PDXDC1: variants seen among roughly 807,000 people sequenced by gnomAD.
The protein encoded by PDXDC1 is pyridoxal-dependent decarboxylase domain-containing protein 1.
PDXDC1 carries 42 observed loss-of-function variants against 100.1 expected under a neutral mutation model. That is an observed-to-expected ratio of 0.42 (90% CI 0.33 to 0.54). The LOEUF is 0.54. PDXDC1 is among the 20% of genes least tolerant of loss of function. The pLI is 0.10. For missense variants in PDXDC1, 636 were observed against 979.2 expected (o/e 0.65, Z 4.68); for synonymous variants, 260 against 371.7 (o/e 0.70, Z 3.46).
intron 1 of PDXDC1, chr16:14,988,659 T>C (rs1969973944): frequency 9.3e-6 from 15 of 1,613,656 alleles, no homozygotes; most frequent in Non-Finnish European, 1.3e-5. Context: ...GGGCTTGCCC[T>C]CGGCATCCGC....
intron 1 of PDXDC1, among the ~76,000 whole-genome samples, chr16:14,997,361 A>AC (rs71228826): frequency 2.2e-3 from 334 of 152,270 alleles, no homozygotes; most frequent in Non-Finnish European, 4.0e-3. Flanking sequence ...ACATGGTGAA[A>AC]CCCCCCCGTC....
chr16:15,152,334 C>T, the PDXDC1 span, among the ~76,000 whole-genome samples: 7 of 129,488 alleles, frequency 5.4e-5, no homozygotes, highest in Admixed American at 2.5e-4. Context: ...TGATCTGTGT[C>T]CTTCACCTCT....
chr16:15,076,555 A>G, intron 16 of PDXDC1: 6 of 1,596,800 alleles, frequency 3.8e-6, no homozygotes, highest in East Asian at 2.2e-5. Flanking sequence ...ATAAACTGCT[A>G]ACCATATTAA....
chr16:15,070,244 A>C, intron 16 of PDXDC1: 2 of 1,611,566 alleles, frequency 1.2e-6, no homozygotes, highest in Admixed American at 1.7e-5. Context: ...TCTAGGCATG[A>C]TTTTACAGTA....
chr16:15,016,404 A>T, intron 9 of PDXDC1, 191 bp downstream of exon 9: 1 of 1,324,292 alleles, frequency 7.6e-7, no homozygotes, highest in Non-Finnish European at 1.0e-6. Context: ...GAGCAGTGTT[A>T]TGACTGCCTC....
chr16:15,007,168 T>G (rs1186671777), intron 6 of PDXDC1, among the ~76,000 whole-genome samples: 1 of 144,974 alleles, frequency 6.9e-6, no homozygotes, highest in Non-Finnish European at 1.5e-5. Context: ...TTTTTTTTTT[T>G]TTTTTTTTTT....
chr16:15,030,757 A>G (rs1417444490), intron 16 of PDXDC1, among the ~76,000 whole-genome samples: 1 of 150,440 alleles, frequency 6.6e-6, no homozygotes, highest in Non-Finnish European at 1.5e-5. Context: ...TAATTTTTGC[A>G]TTTTTTGTAG....
intron 11 of PDXDC1, among the ~76,000 whole-genome samples, chr16:15,018,420 T>A (rs1432393331): frequency 3.9e-5 from 6 of 152,178 alleles, no homozygotes; most frequent in Admixed American, 6.5e-5. Context: ...TCACAAAAAA[T>A]AATAATAATA....
intron 16 of PDXDC1, among the ~76,000 whole-genome samples, chr16:15,122,453 G>GTT (rs1394096553): frequency 4.2e-5 from 6 of 142,824 alleles, no homozygotes; most frequent in African/African-American, 8.0e-5. Context: ...GGACTCAAGT[G>GTT]ATCTGCCCAC....
At chr16:15,061,658 A>G (rs2044715139) in intron 16 of PDXDC1, 2 of 1,333,788 alleles carry the variant, frequency 1.5e-6, no homozygotes, top group Admixed American at 1.9e-5. Context: ...AATGCCATCA[A>G]TGCCCAATGG....
chr16:15,011,631 C>CTTTTTTTTTTTTTTTTTTTTGTTTTT, intron 8 of PDXDC1, among the ~76,000 whole-genome samples: 59 of 131,264 alleles, frequency 4.5e-4, no homozygotes, highest in East Asian at 6.5e-4. Flanking sequence ...ACATTTTTTT[C>CTTTTTTTTTTTTTTTTTTTTGTTTTT]TTTTTTTTTT....
chr16:15,102,758 C>A (rs1171913429), intron 16 of PDXDC1, among the ~76,000 whole-genome samples: 1 of 145,386 alleles, frequency 6.9e-6, no homozygotes, highest in Non-Finnish European at 1.5e-5. Flanking sequence ...CGAGACCAGC[C>A]TAGGCAACAT....
chr16:15,005,007 C>T (rs1294198995), intron 5 of PDXDC1, among the ~76,000 whole-genome samples: 7 of 152,260 alleles, frequency 4.6e-5, no homozygotes, highest in African/African-American at 1.7e-4. Context: ...GATGCAGAAC[C>T]CATAGGTTCA....
At chr16:15,064,910 TAATCCC>T (rs1358698445) in intron 16 of PDXDC1, among the ~76,000 whole-genome samples, 1 of 152,176 alleles carries the variant, frequency 6.6e-6, no homozygotes, top group Non-Finnish European at 1.5e-5. Context: ...CTCACGCCTG[TAATCCC>T]AGCACTTTGG....
At chr16:15,129,508 A>G (rs185242685) in intron 16 of PDXDC1, among the ~76,000 whole-genome samples, 3 of 152,358 alleles carry the variant, frequency 2.0e-5, no homozygotes, top group Admixed American at 2.0e-4. Flanking sequence ...AAATAGAGGT[A>G]TTGAAGAAAC....
chr16:15,084,793 C>A, intron 16 of PDXDC1: 1 of 911,154 alleles, frequency 1.1e-6, no homozygotes, highest in Non-Finnish European at 1.8e-6. Flanking sequence ...TGGCTGGGCA[C>A]AGTGGCTCAC....
At chr16:15,061,551 T>TA in intron 16 of PDXDC1, 1 of 480,814 alleles carries the variant, frequency 2.1e-6, no homozygotes, top group East Asian at 3.1e-5. Flanking sequence ...ATTTTGTCTG[T>TA]AAGGGGAACA....
chr16:14,996,379 A>ATTCT (rs1466471012), intron 1 of PDXDC1: 1 of 440,078 alleles, frequency 2.3e-6, no homozygotes, highest in Admixed American at 2.5e-5. Context: ...CACACTTAGA[A>ATTCT]GAGTAAGAGG....
intron 16 of PDXDC1, chr16:15,128,020 G>A (rs748722581): frequency 1.4e-5 from 22 of 1,598,916 alleles, no homozygotes; most frequent in Middle Eastern, 4.5e-4. Context: ...TCTCCACCAG[G>A]CCCCCGTTGG....
Sources: allele counts gnomAD v4.1 joint callset (sites outside exome capture counted in the v4.1 genomes callset), GRCh38; gene constraint gnomAD v4.1.1; transcripts MANE v1.5; gene names NCBI Gene and HGNC (gene_info 2026-07-23, HGNC 2026-07-21).